The following SLC10A7 variants were observed in gnomAD, a reference collection of about 807,000 sequenced individuals.
SLC10A7 encodes sodium/bile acid cotransporter 7.
In SLC10A7, 29 loss-of-function variants were observed where a neutral mutation model predicts 43.2. That is an observed-to-expected ratio of 0.67 (90% CI 0.50 to 0.92). SLC10A7 has a LOEUF of 0.92. Ranked by LOEUF, SLC10A7 falls within the 40% of genes least tolerant of loss-of-function variation. The pLI, the probability that SLC10A7 is intolerant of heterozygous loss-of-function variation, is 0.00. For synonymous variants in SLC10A7, 152 were observed against 144.8 expected (o/e 1.05, Z -0.35); for missense variants, 295 against 403.2 (o/e 0.73, Z 2.30).
intron 7 of SLC10A7, among the ~76,000 whole-genome samples, chr4:146,303,253 C>T (rs1268561808): frequency 1.3e-5 from 2 of 152,194 alleles, no homozygotes; most frequent in African/African-American, 4.8e-5. Context: ...CTATTGTTCC[C>T]AAGGGTACTC....
intron 4 of SLC10A7, among the ~76,000 whole-genome samples, chr4:146,491,404 G>A (rs1735402037): frequency 1.3e-5 from 2 of 152,104 alleles, no homozygotes; most frequent in South Asian, 4.1e-4. Flanking sequence ...AATATGAATG[G>A]CAAATATCCA....
At chr4:146,336,119 A>G (rs1733880438) in intron 5 of SLC10A7, among the ~76,000 whole-genome samples, 1 of 152,092 alleles carries the variant, frequency 6.6e-6, no homozygotes, top group East Asian at 1.9e-4. Context: ...AAGGCCAAGT[A>G]ATAATTATTT....
intron 10 of SLC10A7, among the ~76,000 whole-genome samples, chr4:146,275,187 A>G (rs747961772): frequency 7.9e-5 from 12 of 152,152 alleles, no homozygotes; most frequent in Non-Finnish European, 1.5e-5. Context: ...TTGTTTTTAA[A>G]TTTTTATTTC....
At chr4:146,504,169 GCT>G (rs1314407672) in intron 3 of SLC10A7, among the ~76,000 whole-genome samples, 1 of 152,012 alleles carries the variant, frequency 6.6e-6, no homozygotes, top group Non-Finnish European at 1.5e-5. Context: ...AGCTATTTAA[GCT>G]CTTATTATAC....
At chr4:146,484,619 G>C (rs983934484) in intron 4 of SLC10A7, among the ~76,000 whole-genome samples, 1 of 152,126 alleles carries the variant, frequency 6.6e-6, no homozygotes, top group Non-Finnish European at 1.5e-5. Context: ...GGATAAAAAA[G>C]TCTAGAGATC....
chr4:146,514,100 C>A (rs1433867999), intron 2 of SLC10A7: 2 of 152,306 alleles, frequency 1.3e-5, no homozygotes, highest in East Asian at 3.9e-4. Flanking sequence ...TTTATCTGAC[C>A]ATCTCATTCA....
At chr4:146,475,633 A>T (rs1357536237) in intron 4 of SLC10A7, among the ~76,000 whole-genome samples, 1 of 152,226 alleles carries the variant, frequency 6.6e-6, no homozygotes, top group Non-Finnish European at 1.5e-5. Context: ...GTCAAAGACC[A>T]CCATTCTAAA....
chr4:146,438,559 T>A (rs1730372047), intron 5 of SLC10A7, among the ~76,000 whole-genome samples: 1 of 152,060 alleles, frequency 6.6e-6, no homozygotes, highest in African/African-American at 2.4e-5. Flanking sequence ...AAAAACCCAG[T>A]TTGGCATGAT....
chr4:146,454,470 A>G (rs1271044927), intron 4 of SLC10A7, among the ~76,000 whole-genome samples: 3 of 151,872 alleles, frequency 2.0e-5, no homozygotes, highest in Non-Finnish European at 2.9e-5. Flanking sequence ...ATCTCCAGAC[A>G]TCTCTTGCAC....
At chr4:146,444,348 A>T (rs916970942) in intron 4 of SLC10A7, among the ~76,000 whole-genome samples, 2 of 152,150 alleles carry the variant, frequency 1.3e-5, no homozygotes, top group Non-Finnish European at 2.9e-5. Flanking sequence ...TTCTGAATTC[A>T]TTTCTTTCAA....
chr4:146,500,336 C>T (rs768096148), intron 4 of SLC10A7, among the ~76,000 whole-genome samples: 5 of 152,088 alleles, frequency 3.3e-5, no homozygotes, highest in Non-Finnish European at 2.9e-5. Context: ...CAATTGCACA[C>T]TTTCTCCTCC....
chr4:146,405,897 A>G (rs1727647098), intron 5 of SLC10A7, among the ~76,000 whole-genome samples: 1 of 152,058 alleles, frequency 6.6e-6, no homozygotes, highest in Non-Finnish European at 1.5e-5. Context: ...TGTATTTTAT[A>G]TTCTTCAAGA....
chr4:146,490,023 ATT>A (rs139072133), intron 4 of SLC10A7, among the ~76,000 whole-genome samples: 1 of 148,394 alleles, frequency 6.7e-6, no homozygotes, highest in African/African-American at 2.5e-5. Context: ...CAAAAATTCT[ATT>A]TTTTTTTTGT....
chr4:146,399,720 C>A (rs1001532107), intron 5 of SLC10A7, among the ~76,000 whole-genome samples: 1 of 151,952 alleles, frequency 6.6e-6, no homozygotes, highest in Non-Finnish European at 1.5e-5. Context: ...TTTTTAAGAC[C>A]ACGTAACGGG....
At chr4:146,350,397 G>GCCCA (rs756800537) in intron 5 of SLC10A7, among the ~76,000 whole-genome samples, 68,692 of 142,594 alleles carry the variant, frequency 0.48, 17,271 homozygotes, top group East Asian at 0.63. Context: ...ACGGAATCTC[G>GCCCA]CTGATTGCTA....
chr4:146,321,226 C>T (rs1331393159), intron 6 of SLC10A7, among the ~76,000 whole-genome samples: 2 of 152,044 alleles, frequency 1.3e-5, no homozygotes, highest in Non-Finnish European at 2.9e-5. Flanking sequence ...CAAGCAGAGC[C>T]ATGTTCCCTA....
intron 5 of SLC10A7, among the ~76,000 whole-genome samples, chr4:146,389,692 TTATCAGCTTC>T (rs1168950547): frequency 3.3e-5 from 5 of 152,306 alleles, no homozygotes; most frequent in Admixed American, 1.3e-4. Context: ...CAGGGTTGGT[TTATCAGCTTC>T]TAATGTAACA....
Position 146,294,114 on chromosome 4 carries a change from C to T in SLC10A7, c.556-19G>A, listed in dbSNP as rs1285244184. ...GGACAATCTGAAATACAGAGATCAA[C>T]AGGTTGCCTCTTTTCAGAGATGGAG... On this transcript the variant is annotated intron_variant, in intron 7 of 11. Coordinates refer to ENST00000335472, the MANE Select transcript of SLC10A7 (RefSeq NM_001029998.6). The T allele has an allele frequency of 5.2e-6, 8 of 1,539,236 alleles. No homozygotes were observed. The South Asian group carries it at 6.4e-5, about 12-fold the overall frequency.
chr4:146,490,067 G>GA (rs1735259117), intron 4 of SLC10A7, among the ~76,000 whole-genome samples: 1 of 151,198 alleles, frequency 6.6e-6, no homozygotes, highest in South Asian at 2.1e-4. Context: ...ATCAAACCAA[G>GA]AGAATTCATG....
Sources: gnomAD v4.1 joint callset for allele counts (sites outside exome capture counted in the v4.1 genomes callset) on GRCh38, gnomAD v4.1.1 for gene constraint, MANE v1.5 for transcripts, NCBI Gene and HGNC (gene_info 2026-07-23, HGNC 2026-07-21) for gene names.